Variants in PHKA1 observed in about 807,000 individuals in gnomAD.
PHKA1 encodes phosphorylase b kinase regulatory subunit alpha, skeletal muscle isoform.
PHKA1 carries 60 observed loss-of-function variants against 110.2 expected under a neutral mutation model. The observed-to-expected ratio is 0.54, with a 90% CI of 0.44 to 0.68. The LOEUF (loss-of-function observed/expected upper bound fraction) is 0.68. PHKA1 is among the 30% of genes least tolerant of loss of function. The pLI, the probability that PHKA1 is intolerant of heterozygous loss-of-function variation, is 0.00. For missense variants in PHKA1, 801 were observed against 942.5 expected (o/e 0.85, Z 1.97); for synonymous variants, 316 against 333.6 (o/e 0.95, Z 0.58).
At chrX:72,643,891 A>G (rs969197837) in intron 14 of PHKA1, among the ~76,000 whole-genome samples, 1 of 111,986 alleles carries the variant, frequency 8.9e-6, no homozygotes, top group African/African-American at 3.2e-5. Context: ...CAAAAAATCT[A>G]TCACTAAGTT....
intron 4 of PHKA1, among the ~76,000 whole-genome samples, chrX:72,690,828 C>T (rs1251940546): frequency 3.6e-5 from 4 of 111,954 alleles, no homozygotes; most frequent in African/African-American, 9.7e-5. Flanking sequence ...AGTGCAATGG[C>T]GTGATCTTGG....
At chrX:72,675,338 A>G (rs1455318571) in intron 6 of PHKA1, among the ~76,000 whole-genome samples, 1 of 111,518 alleles carries the variant, frequency 9.0e-6, no homozygotes, top group African/African-American at 3.3e-5. Flanking sequence ...TTCACTTGAC[A>G]TTCACAGTCA....
chrX:72,683,739 C>T (rs2053937569), intron 5 of PHKA1, among the ~76,000 whole-genome samples: 1 of 112,184 alleles, frequency 8.9e-6, no homozygotes, highest in Admixed American at 9.4e-5. Context: ...CATTTTTTGT[C>T]TAACTTCTTT....
intron 6 of PHKA1, among the ~76,000 whole-genome samples, chrX:72,671,475 T>G (rs1569446650): frequency 9.0e-6 from 1 of 111,524 alleles, no homozygotes; most frequent in Non-Finnish European, 1.9e-5. Flanking sequence ...TGCTCATGGG[T>G]AGGAAGAATC....
chrX:72,605,153 A>G, intron 25 of PHKA1, 118 bp downstream of exon 25: 1 of 655,040 alleles, frequency 1.5e-6, no homozygotes, highest in Non-Finnish European at 2.5e-6. Flanking sequence ...CAAGGTTGCC[A>G]TATCCAGCTT....
At chrX:72,655,602 C>T (rs1197912049) in intron 10 of PHKA1, among the ~76,000 whole-genome samples, 1 of 111,892 alleles carries the variant, frequency 8.9e-6, no homozygotes, top group Non-Finnish European at 1.9e-5. Context: ...GTTGGGCACT[C>T]AATGGTCAGG....
At chrX:72,669,945 G>T (rs1556308203) in intron 6 of PHKA1, among the ~76,000 whole-genome samples, 1 of 110,741 alleles carries the variant, frequency 9.0e-6, no homozygotes, top group Non-Finnish European at 1.9e-5. Context: ...AGATCCCTGA[G>T]GAATCGCCAC....
chrX:72,672,287 T>C (rs1412360506), intron 6 of PHKA1, among the ~76,000 whole-genome samples: 4 of 112,078 alleles, frequency 3.6e-5, no homozygotes, highest in African/African-American at 1.3e-4. Flanking sequence ...GGACCTGTGA[T>C]GGAAAAGGCA....
chrX:72,672,403 C>G (rs1556309615), intron 6 of PHKA1, among the ~76,000 whole-genome samples: 6 of 111,618 alleles, frequency 5.4e-5, no homozygotes, highest in Non-Finnish European at 1.1e-4. Flanking sequence ...CAAGGGGCCC[C>G]ATCTGGTGAG....
chrX:72,626,285 C>A, intron 17 of PHKA1, among the ~76,000 whole-genome samples: 1 of 109,232 alleles, frequency 9.2e-6, no homozygotes, highest in Admixed American at 9.8e-5. Context: ...TATGGGTGTT[C>A]AGTAGTATTC....
At chrX:72,675,163 G>A (rs1217620287) in intron 6 of PHKA1, among the ~76,000 whole-genome samples, 2 of 108,442 alleles carry the variant, frequency 1.8e-5, no homozygotes, top group African/African-American at 6.7e-5. Flanking sequence ...ACTCCAGCCT[G>A]GGCAGCAGGG....
Position 72,605,347 on chromosome X carries a change from A to G in PHKA1, c.2739T>C (p.Ala913=). 2 of 1,205,768 alleles carry G rather than the reference A, an allele frequency of 1.7e-6. No individual in the cohort carries two copies. The highest frequency in any genetic ancestry group is 2.2e-6 in the Non-Finnish European group (2 of 889,961). ...MYMRTQPGLF[A]EMFRLRIGLI... Reference sequence around the variant, plus strand: ...GACCAATTCGAAGTCGAAACATTTCAGCAAAGAGGCCAGGCTGGGTTCGCA... The same window carrying G: ...GACCAATTCGAAGTCGAAACATTTCGGCAAAGAGGCCAGGCTGGGTTCGCA... The change falls in exon 25 of 32, where the codon GCT becomes GCC. Residue 913 remains alanine, a synonymous_variant. Coordinates refer to ENST00000373542, the MANE Select transcript of PHKA1 (RefSeq NM_002637.4).
At position 72,656,432 on chromosome X, in the gene PHKA1, G is replaced by A. The variant is rs141910303; in HGVS notation, c.919-190C>T. On this transcript the variant is annotated intron_variant, in intron 9 of 31. Transcript: ENST00000373542. ...ACTTCTAACTAGCGGAATTGGGATAGCAATGATATCACAAGAGGGTGTATG... is the reference window on the plus strand; with the variant it reads ...ACTTCTAACTAGCGGAATTGGGATAACAATGATATCACAAGAGGGTGTATG... 0.019 allele frequency among the ~76,000 whole-genome samples: 2,123 copies of A among 112,314 alleles called. 32 individuals are homozygous for A. The highest frequency in any genetic ancestry group is 0.055 in the Middle Eastern group (12 of 217).
intron 23 of PHKA1, among the ~76,000 whole-genome samples, chrX:72,608,224 C>G (rs1556254868): frequency 9.0e-6 from 1 of 111,440 alleles, no homozygotes; most frequent in African/African-American, 3.3e-5. Context: ...AAAATGTCAT[C>G]CAGGAGCTAC....
At chrX:72,678,020 T>C (rs2093159717) in intron 5 of PHKA1, among the ~76,000 whole-genome samples, 1 of 111,624 alleles carries the variant, frequency 9.0e-6, no homozygotes, top group Non-Finnish European at 1.9e-5. Context: ...TGAATCCTAG[T>C]GTGGGTGACA....
At chrX:72,684,084 T>G (rs191165768) in intron 5 of PHKA1, among the ~76,000 whole-genome samples, 1 of 112,432 alleles carries the variant, frequency 8.9e-6, no homozygotes, top group East Asian at 2.8e-4. Context: ...ATAACTTATT[T>G]GCATTGTAAG....
chrX:72,673,726 C>T (rs966995374), intron 6 of PHKA1, among the ~76,000 whole-genome samples: 7 of 107,683 alleles, frequency 6.5e-5, no homozygotes, highest in South Asian at 4.0e-4. Flanking sequence ...TACATAATGA[C>T]GTATATCTAT....
At chrX:72,581,319 G>C (rs1208299171) in intron 31 of PHKA1, 144 bp from the exon 32 acceptor site, 1 of 472,388 alleles carries the variant, frequency 2.1e-6, no homozygotes, top group African/African-American at 2.4e-5. Context: ...GGAAGAAATA[G>C]GTTTATGGAC....
At chrX:72,710,018 G>A (rs905223671) in intron 2 of PHKA1, among the ~76,000 whole-genome samples, 2 of 97,047 alleles carry the variant, frequency 2.1e-5, no homozygotes, top group Admixed American at 1.2e-4. Flanking sequence ...CTCCAACCTG[G>A]GCAATAGAGC....
Sources: allele counts gnomAD v4.1 joint callset (sites outside exome capture counted in the v4.1 genomes callset), GRCh38; gene constraint gnomAD v4.1.1; transcripts MANE v1.5; gene names NCBI Gene and HGNC (gene_info 2026-07-23, HGNC 2026-07-21).